Variants in MIB2 observed in about 807,000 individuals in gnomAD.
The protein encoded by MIB2 is E3 ubiquitin-protein ligase MIB2.
Under a neutral mutation model 96.6 loss-of-function variants are expected in MIB2, and 78 were observed. The ratio of observed to expected loss-of-function variants is 0.81; its 90% CI spans 0.67 to 0.97. MIB2 has a LOEUF of 0.97. Ranked by LOEUF, MIB2 falls within the 50% of genes least tolerant of loss-of-function variation. The pLI is 0.00. For synonymous variants in MIB2, 820 were observed against 629.5 expected (o/e 1.30, Z -4.53); for missense variants, 1,543 against 1,424.0 (o/e 1.08, Z -1.35).
intron 13 of MIB2, 25 bp from the exon 14 acceptor site, chr1:1,627,994 G>T: frequency 6.2e-7 from 1 of 1,611,388 alleles, no homozygotes; most frequent in Middle Eastern, 1.7e-4. Flanking sequence ...TCACCCCCAG[G>T]TGACCACTGA....
At chr1:1,623,328 C>A in intron 2 of MIB2, 103 bp from the exon 3 acceptor site, 1 of 1,495,470 alleles carries the variant, frequency 6.7e-7, no homozygotes. Context: ...TCTGCTCTCC[C>A]GCGGAGCCCA....
chr1:1,626,733 G>A lies in MIB2; in HGVS notation c.1056G>A (p.Glu352=), dbSNP rs1176840108. 1.9e-6 allele frequency: 3 copies of A among 1,597,728 alleles called. No homozygotes were observed. Among genetic ancestry groups the A allele is most frequent in the Admixed American group, 3.4e-5 (2 of 59,320 alleles). ...TVKRLQAGHG[E]WTDDMAPALG... Reference sequence around the variant, plus strand: ...AGCGGCTGCAGGCTGGGCATGGCGAGTGGACGGACGACATGGCCCCTGTGA... The same window carrying A: ...AGCGGCTGCAGGCTGGGCATGGCGAATGGACGGACGACATGGCCCCTGTGA... Residue 352 remains glutamate, a synonymous_variant, in exon 9 of 20, where the codon GAG becomes GAA. Transcript: ENST00000355826. This position sits in a 1 kb window ranked among gnomAD's most constrained non-coding sequence, Gnocchi z 5.3.
chr1:1,614,169 G>A (rs1643406012), upstream of MIB2: 1 of 152,236 alleles, frequency 6.6e-6, no homozygotes, highest in Admixed American at 6.5e-5. Context: ...CGACAGCTGT[G>A]AAAGTTGCAG....
chr1:1,615,975 T>C, intron 1 of MIB2: 2 of 985,420 alleles, frequency 2.0e-6, no homozygotes, highest in Non-Finnish European at 2.4e-6. Context: ...TGGCCGCCGC[T>C]GAGCAGTCGG....
chr1:1,615,294 C>A, upstream of MIB2: 1 of 1,342,522 alleles, frequency 7.4e-7, no homozygotes, highest in Non-Finnish European at 9.6e-7. Context: ...CCCAAGCCCC[C>A]GTCTCTATGG....
Position 1,626,478 on chromosome 1 carries a change from C to T in MIB2, c.973-172C>T. 3 of 604,688 alleles carry T rather than the reference C, an allele frequency of 5.0e-6. No homozygotes were observed. In the South Asian group the frequency reaches 6.2e-5, roughly 13 times the overall value. 37.5% of individuals were successfully genotyped at this position (604,688 alleles called of 1,614,324 possible). On this transcript the variant is annotated intron_variant, in intron 8 of 19. Transcript: ENST00000355826. This position sits in a 1 kb window ranked among gnomAD's most constrained non-coding sequence, Gnocchi z 5.3. ...GGGACACCCAGGGCTGCCTTGGACA[C>T]CTGGGGCTCTCGTCCAGCCAGAGCC... is the stretch of plus-strand genomic sequence containing the variant.
upstream of MIB2, chr1:1,615,350 G>A: frequency 2.8e-6 from 4 of 1,404,452 alleles, no homozygotes; most frequent in Non-Finnish European, 3.7e-6. Context: ...GCGCCCGGAG[G>A]CTAAGCCGCT....
chr1:1,619,696 C>T (rs539977214), intron 2 of MIB2, among the ~76,000 whole-genome samples: 5 of 152,270 alleles, frequency 3.3e-5, no homozygotes, highest in East Asian at 3.9e-4. Context: ...AGTGGGTGGG[C>T]GCACCCAGCT....
chr1:1,622,944 A>G (rs917496524), intron 2 of MIB2, among the ~76,000 whole-genome samples: 2 of 151,068 alleles, frequency 1.3e-5, no homozygotes, highest in African/African-American at 4.9e-5. Context: ...TTTCGTGTGG[A>G]TCATAGGAGT....
chr1:1,630,079 C>G (rs1019031978), intron 19 of MIB2, among the ~76,000 whole-genome samples: 3 of 149,420 alleles, frequency 2.0e-5, no homozygotes, highest in Non-Finnish European at 4.5e-5. Context: ...GACTCCAGCC[C>G]GCACACCACC....
intron 16 of MIB2, 105 bp from the exon 17 acceptor site, chr1:1,629,028 T>C (rs1465095804): frequency 8.0e-7 from 1 of 1,243,470 alleles, no homozygotes; most frequent in East Asian, 3.0e-5. Context: ...TTGCCTTGTA[T>C]TTTAGACATG....
Position 1,626,497 on chromosome 1 carries a change from C to A in MIB2, c.973-153C>A. The A allele has an allele frequency of 1.5e-6, 1 of 648,656 alleles. No individual in the cohort carries two copies. Among genetic ancestry groups the A allele is most frequent in the Non-Finnish European group, 2.6e-6 (1 of 383,732 alleles). 40.2% of individuals were successfully genotyped at this position (648,656 alleles called of 1,614,324 possible). Reference sequence around the variant, plus strand: ...TGGACACCTGGGGCTCTCGTCCAGCCAGAGCCTCTGGCAGTGCCTGGGGTC... The same window carrying A: ...TGGACACCTGGGGCTCTCGTCCAGCAAGAGCCTCTGGCAGTGCCTGGGGTC... On this transcript the variant is annotated intron_variant, in intron 8 of 19. Transcript: ENST00000355826. This position sits in a 1 kb window ranked among gnomAD's most constrained non-coding sequence, Gnocchi z 5.3.
Position 1,628,257 on chromosome 1 carries a change from C to A in MIB2, c.1842-16C>A, listed in dbSNP as rs747845661. On this transcript the variant is annotated splice_polypyrimidine_tract_variant and intron_variant, in intron 14 of 19. Coordinates refer to ENST00000355826, the MANE Select transcript of MIB2 (RefSeq NM_001170687.4). ...GGGGCAGTCCCAGGTCCCAGACCAA[C>A]CTCCCTGCTCCACAGAGCTGTGAGA... 1.2e-6 allele frequency: 2 copies of A among 1,612,904 alleles called. No individual in the cohort carries two copies.
chr1:1,625,909 G>A lies in MIB2; in HGVS notation c.972+256G>A. ...AGGTTAGGGCCTCCCTCTGTTCCAG[G>A]ACACCAGGAAGGCAGGACAGCTTCG... On this transcript the variant is annotated intron_variant, in intron 8 of 19. Coordinates refer to ENST00000355826, the MANE Select transcript of MIB2 (RefSeq NM_001170687.4). The surrounding 1 kb of genome is among the most constrained non-coding windows in gnomAD (Gnocchi z 5.0). 3.6e-6 allele frequency: 2 copies of A among 555,138 alleles called. No homozygotes were observed. Among genetic ancestry groups the A allele is most frequent in the Non-Finnish European group, 6.5e-6 (2 of 309,866 alleles). 34.4% of individuals were successfully genotyped at this position (555,138 alleles called of 1,614,324 possible).
chr1:1,621,462 G>A (rs1463492872), intron 2 of MIB2, among the ~76,000 whole-genome samples: 1 of 152,254 alleles, frequency 6.6e-6, no homozygotes, highest in Non-Finnish European at 1.5e-5. Flanking sequence ...AGGAAGCCCC[G>A]GTGCTGGAGC....
rs756376220 is a variant in MIB2, at chr1:1,628,096, G to T, written c.1758G>T (p.Thr586=). ...CCAGCGGCATTGTCGAGGTCCTCACGGAGGTGCCAAACATCGATGTTACCG... is the reference window on the plus strand; with the variant it reads ...CCAGCGGCATTGTCGAGGTCCTCACTGAGGTGCCAAACATCGATGTTACCG... ...TGASGIVEVL[T]EVPNIDVTAT... The change falls in exon 14 of 20, where the codon ACG becomes ACT. Residue 586 remains threonine, a synonymous_variant. Coordinates refer to ENST00000355826, the MANE Select transcript of MIB2 (RefSeq NM_001170687.4). 1 of 1,613,298 alleles carries T rather than the reference G, an allele frequency of 6.2e-7. No individual in the cohort carries two copies. Among genetic ancestry groups the T allele is most frequent in the Non-Finnish European group, 8.5e-7 (1 of 1,179,992 alleles).
intron 2 of MIB2, chr1:1,616,887 C>A (rs1255258844): frequency 2.5e-6 from 1 of 395,648 alleles, no homozygotes; most frequent in African/African-American, 2.2e-5. Context: ...CCCGGGAGGC[C>A]CCCTTTGTCC....
In MIB2 at chr1:1,627,437, G is replaced by T. The variant is rs1644897045; in HGVS notation, c.1516G>T (p.Ala506Ser). ...DEGNTALHYA[A>S]LGNQPEATRV... Reference sequence around the variant, plus strand: ...GGGCAACACGGCACTGCACTACGCGGCCCTGGGGTGAGGCCTGGGAGGGGC... The same window carrying T: ...GGGCAACACGGCACTGCACTACGCGTCCCTGGGGTGAGGCCTGGGAGGGGC... The change falls in exon 12 of 20, where the codon GCC (alanine) becomes TCC (serine). Residue 506 changes from alanine to serine, a missense_variant. By Grantham distance (99) the Ala-to-Ser change is moderately conservative (BLOSUM62 1). Transcript: ENST00000355826. 1 of 1,610,162 alleles carries T rather than the reference G, an allele frequency of 6.2e-7. No homozygotes were observed. The highest frequency in any genetic ancestry group is 8.5e-7 in the Non-Finnish European group (1 of 1,178,346).
Position 1,630,595 on chromosome 1 carries a change from A to G in MIB2, c.*65A>G. 2.3e-6 allele frequency: 3 copies of G among 1,314,640 alleles called. No individual in the cohort carries two copies. In the African/African-American group the frequency reaches 4.6e-5, roughly 20 times the overall value. The allele number at this position is 1,314,640 out of a possible 1,614,324, so 81.4% of individuals were successfully genotyped here. A position where few individuals can be genotyped will look rare whatever the true frequency, so the allele number is the denominator to read the frequency against. ...CCCGCCCTGTGTTTTATAAAAAGAA[A>G]GATTCTCGGACGTTGCCTCTGCTGT... On this transcript the variant is annotated 3_prime_UTR_variant, in exon 20 of 20. Coordinates refer to ENST00000355826, the MANE Select transcript of MIB2 (RefSeq NM_001170687.4).
Sources: allele counts gnomAD v4.1 joint callset (sites outside exome capture counted in the v4.1 genomes callset), GRCh38; gene constraint gnomAD v4.1.1; non-coding constraint Gnocchi (gnomAD v3.1); transcripts MANE v1.5; gene names NCBI Gene and HGNC (gene_info 2026-07-23, HGNC 2026-07-21).